Variants in MEGF11 observed in about 807,000 individuals in gnomAD.
MEGF11 encodes the protein multiple EGF like domains 11, also known as multiple epidermal growth factor-like domains protein 11.
MEGF11 carries 126 observed loss-of-function variants against 146.6 expected under a neutral mutation model. That is an observed-to-expected ratio of 0.86 (90% CI 0.74 to 1.00). MEGF11 has a LOEUF of 1.00. Among genes scored for constraint, MEGF11 ranks in the 50% least tolerant of loss-of-function variants. The pLI is 0.00. For synonymous variants in MEGF11, 532 were observed against 583.4 expected (o/e 0.91, Z 1.27); for missense variants, 1,509 against 1,521.2 (o/e 0.99, Z 0.13).
intron 1 of MEGF11, among the ~76,000 whole-genome samples, chr15:66,175,707 C>T (rs575342088): frequency 2.6e-5 from 4 of 152,298 alleles, no homozygotes; most frequent in Admixed American, 6.5e-5. Flanking sequence ...AGACCCATTA[C>T]TATAAAACTA....
At chr15:66,024,168 A>C (rs2083252845) in intron 5 of MEGF11, among the ~76,000 whole-genome samples, 1 of 152,238 alleles carries the variant, frequency 6.6e-6, no homozygotes, top group Non-Finnish European at 1.5e-5. Flanking sequence ...CCTGGTACCC[A>C]AACCAAAAGC....
At chr15:65,948,775 T>C (rs1248970681) in intron 10 of MEGF11, among the ~76,000 whole-genome samples, 1 of 152,170 alleles carries the variant, frequency 6.6e-6, no homozygotes, top group Non-Finnish European at 1.5e-5. Flanking sequence ...CTTAAGTAAC[T>C]CCAACAAGAC....
chr15:65,919,284 A>G (rs1385565992), intron 15 of MEGF11, among the ~76,000 whole-genome samples: 1 of 152,226 alleles, frequency 6.6e-6, no homozygotes, highest in Non-Finnish European at 1.5e-5. Context: ...TTATGTAGTC[A>G]ACAAACATAC....
intron 5 of MEGF11, among the ~76,000 whole-genome samples, chr15:66,079,338 G>C (rs972806829): frequency 6.6e-6 from 1 of 152,176 alleles, no homozygotes; most frequent in Non-Finnish European, 1.5e-5. Context: ...AGTGGGGATG[G>C]CACCAGGTTC....
intron 10 of MEGF11, among the ~76,000 whole-genome samples, chr15:65,950,590 C>CACAG (rs2080367182): frequency 1.5e-4 from 1 of 6,892 alleles, no homozygotes; most frequent in South Asian, 9.1e-3. Context: ...CACAGACACA[C>CACAG]ACACACACAC....
chr15:66,060,980 G>T (rs537890259), intron 5 of MEGF11, among the ~76,000 whole-genome samples: 3 of 152,338 alleles, frequency 2.0e-5, no homozygotes, highest in Admixed American at 6.5e-5. Context: ...TCCTGAGGAC[G>T]CCTAGGGCTG....
intron 9 of MEGF11, among the ~76,000 whole-genome samples, chr15:65,963,494 ATACAATCAAT>A (rs1229504097): frequency 2.0e-5 from 3 of 151,190 alleles, no homozygotes; most frequent in Admixed American, 6.6e-5. Flanking sequence ...GATATTGGCT[ATACAATCAAT>A]GGTATGTCAT....
chr15:65,999,552 G>T (rs2082296438), intron 5 of MEGF11, among the ~76,000 whole-genome samples: 1 of 152,068 alleles, frequency 6.6e-6, no homozygotes, highest in African/African-American at 2.4e-5. Flanking sequence ...CACAGACCTG[G>T]GTTCAAATCC....
chr15:66,222,417 C>A (rs777960749), intron 1 of MEGF11, among the ~76,000 whole-genome samples: 4 of 152,174 alleles, frequency 2.6e-5, no homozygotes, highest in Non-Finnish European at 4.4e-5. Flanking sequence ...TGGTCAGATG[C>A]AATCAGCAGC....
At chr15:66,177,581 C>T (rs2090419416) in intron 1 of MEGF11, among the ~76,000 whole-genome samples, 1 of 151,776 alleles carries the variant, frequency 6.6e-6, no homozygotes, top group Non-Finnish European at 1.5e-5. Flanking sequence ...TTTTTTTTAA[C>T]TTTACCTCCA....
At chr15:66,104,336 GT>G (rs1597086990) in intron 4 of MEGF11, among the ~76,000 whole-genome samples, 1 of 152,224 alleles carries the variant, frequency 6.6e-6, no homozygotes. Flanking sequence ...GTGACAGCCT[GT>G]TTGGGGATGC....
chr15:66,120,491 C>T (rs951805100), intron 3 of MEGF11, among the ~76,000 whole-genome samples: 5 of 152,152 alleles, frequency 3.3e-5, no homozygotes, highest in South Asian at 2.1e-4. Context: ...TCATCAGAGA[C>T]GCCTATAGGC....
intron 2 of MEGF11, 129 bp from the exon 3 acceptor site, chr15:66,124,129 C>CT (rs2088206876): frequency 1.4e-6 from 1 of 712,546 alleles, no homozygotes; most frequent in Non-Finnish European, 2.4e-6. Flanking sequence ...CTCTGACCTC[C>CT]CCCCTCCCAA....
chr15:66,165,254 C>A (rs918496002), intron 1 of MEGF11, among the ~76,000 whole-genome samples: 1 of 152,136 alleles, frequency 6.6e-6, no homozygotes, highest in Admixed American at 6.5e-5. Flanking sequence ...TCCCATGACC[C>A]TGGGCAAACT....
At chr15:65,958,700 C>T (rs528137097) in intron 9 of MEGF11, among the ~76,000 whole-genome samples, 8 of 152,306 alleles carry the variant, frequency 5.3e-5, no homozygotes, top group African/African-American at 1.9e-4. Context: ...GACTCTTTCT[C>T]CCAACTTTCC....
chr15:66,037,761 T>C (rs546439078), intron 5 of MEGF11, among the ~76,000 whole-genome samples: 4 of 152,352 alleles, frequency 2.6e-5, no homozygotes, highest in South Asian at 4.1e-4. Context: ...GAAAGTCATC[T>C]TCCTCCTCAG....
intron 13 of MEGF11, among the ~76,000 whole-genome samples, chr15:65,925,796 G>C (rs1352869265): frequency 6.6e-6 from 1 of 152,166 alleles, no homozygotes; most frequent in Admixed American, 6.5e-5. Flanking sequence ...TAGCCACTCA[G>C]CAGCCCATAT....
intron 1 of MEGF11, among the ~76,000 whole-genome samples, chr15:66,221,615 C>CTTTTTTTTTTTTTTTTTTTTTTTTTTTTT (rs1555483660): frequency 1.3e-5 from 2 of 149,660 alleles, no homozygotes; most frequent in African/African-American, 2.5e-5. Flanking sequence ...ACAGACCTCT[C>CTTTTTTTTTTTTTTTTTTTTTTTTTTTTT]TTTATTTGAG....
intron 7 of MEGF11, 26 bp from the exon 8 acceptor site, chr15:65,970,715 A>C (rs745681077): frequency 9.4e-6 from 15 of 1,593,992 alleles, no homozygotes; most frequent in Admixed American, 5.3e-5. Context: ...GAAGACATGC[A>C]TGGCGGTGCT....
Sources: allele counts gnomAD v4.1 joint callset (sites outside exome capture counted in the v4.1 genomes callset), GRCh38; gene constraint gnomAD v4.1.1; transcripts MANE v1.5; gene names NCBI Gene and HGNC (gene_info 2026-07-23, HGNC 2026-07-21).